PDZRN4: variants seen among roughly 807,000 people sequenced by gnomAD.
PDZRN4 encodes the protein PDZ domain-containing RING finger protein 4.
In PDZRN4, 70 loss-of-function variants were observed where a neutral mutation model predicts 99.0. The observed-to-expected ratio is 0.71, with a 90% CI of 0.58 to 0.86. The LOEUF (loss-of-function observed/expected upper bound fraction) is 0.86, where lower values mean the gene tolerates loss of function less well. Ranked by LOEUF, PDZRN4 falls within the 40% of genes least tolerant of loss-of-function variation. The pLI is 0.00. For synonymous variants in PDZRN4, 551 were observed against 501.6 expected, an observed-to-expected ratio of 1.10 and a Z score of -1.32; for missense variants, 1,474 against 1,331.2, an observed-to-expected ratio of 1.11 and a Z score of -1.67.
intron 3 of PDZRN4, among the ~76,000 whole-genome samples, chr12:41,251,894 C>T (rs369501134): frequency 6.6e-6 from 1 of 152,076 alleles, no homozygotes; most frequent in African/African-American, 2.4e-5. Context: ...CGCAGGCAGA[C>T]AGCTAGAGCC....
intron 3 of PDZRN4, among the ~76,000 whole-genome samples, chr12:41,394,088 A>G (rs913305729): frequency 1.3e-5 from 2 of 152,176 alleles, no homozygotes; most frequent in African/African-American, 4.8e-5. Context: ...ACATGATCAG[A>G]TTAAGTGAGG....
At chr12:41,533,838 A>T (rs1938705052) in intron 5 of PDZRN4, among the ~76,000 whole-genome samples, 1 of 152,162 alleles carries the variant, frequency 6.6e-6, no homozygotes, top group Middle Eastern at 3.2e-3. Flanking sequence ...ATTACATTAC[A>T]TCATACTATG....
chr12:41,567,241 A>G (rs1295863644), intron 8 of PDZRN4, among the ~76,000 whole-genome samples: 2 of 152,198 alleles, frequency 1.3e-5, no homozygotes, highest in African/African-American at 2.4e-5. Context: ...CTTTCTTCAC[A>G]GACAAAATAA....
intron 3 of PDZRN4, among the ~76,000 whole-genome samples, chr12:41,277,211 C>T (rs1951354787): frequency 2.0e-5 from 3 of 152,150 alleles, no homozygotes; most frequent in Non-Finnish European, 2.9e-5. Context: ...ACATTCCATA[C>T]ATGAACCAGC....
intron 3 of PDZRN4, among the ~76,000 whole-genome samples, chr12:41,315,957 G>C (rs1951635635): frequency 6.6e-6 from 1 of 152,068 alleles, no homozygotes; most frequent in African/African-American, 2.4e-5. Context: ...AATCTTTTTA[G>C]AGTGAACCTT....
At chr12:41,416,026 C>T (rs1334512988) in intron 3 of PDZRN4, among the ~76,000 whole-genome samples, 4 of 152,172 alleles carry the variant, frequency 2.6e-5, no homozygotes, top group Admixed American at 6.5e-5. Context: ...TCTTCCATGA[C>T]TTTACAACTG....
Position 41,465,808 on chromosome 12 carries a change from T to C in PDZRN4, c.844-40648T>C, listed in dbSNP as rs1200329659. Among the ~76,000 whole-genome samples, 6 of 152,312 alleles carry C rather than the reference T, an allele frequency of 3.9e-5. No individual in the cohort carries two copies. The South Asian group carries it at 1.0e-3, about 26-fold the overall frequency. On this transcript the variant is annotated intron_variant, in intron 3 of 9. Coordinates refer to ENST00000402685, the MANE Select transcript of PDZRN4 (RefSeq NM_001164595.2). ...TAGTTTCCTGCCAACTGTTTATTTA[T>C]AGAGTTTCACCCAGTGATACTTATA...
intron 3 of PDZRN4, among the ~76,000 whole-genome samples, chr12:41,489,567 A>G (rs891640174): frequency 2.6e-5 from 4 of 152,162 alleles, no homozygotes; most frequent in Non-Finnish European, 2.9e-5. Flanking sequence ...AGTGTTTAGT[A>G]TAAGCAATGA....
chr12:41,344,420 T>C (rs1383375015), intron 3 of PDZRN4, among the ~76,000 whole-genome samples: 2 of 152,096 alleles, frequency 1.3e-5, no homozygotes, highest in Non-Finnish European at 2.9e-5. Context: ...TCAGGTAGAT[T>C]TCCTAGTTGC....
chr12:41,572,024 G>A (rs1939490618), intron 9 of PDZRN4, among the ~76,000 whole-genome samples: 2 of 152,142 alleles, frequency 1.3e-5, no homozygotes, highest in Admixed American at 6.6e-5. Context: ...TATCACCTCA[G>A]AAATTCATAC....
intron 5 of PDZRN4, among the ~76,000 whole-genome samples, chr12:41,551,174 T>C (rs1939046992): frequency 6.6e-6 from 1 of 152,082 alleles, no homozygotes; most frequent in South Asian, 2.1e-4. Context: ...TGAGGGCCTG[T>C]TCCTCATAGA....
intron 3 of PDZRN4, among the ~76,000 whole-genome samples, chr12:41,427,464 C>T (rs1952546825): frequency 6.6e-6 from 1 of 152,062 alleles, no homozygotes; most frequent in Non-Finnish European, 1.5e-5. Flanking sequence ...TTCAGCACAC[C>T]TCAATGTGTA....
At chr12:41,500,992 T>C (rs1330781331) in intron 3 of PDZRN4, among the ~76,000 whole-genome samples, 2 of 152,146 alleles carry the variant, frequency 1.3e-5, no homozygotes, top group Non-Finnish European at 2.9e-5. Flanking sequence ...ATTCCACAGT[T>C]ACTAGTGAGG....
At chr12:41,262,985 A>G (rs1057249265) in intron 3 of PDZRN4, among the ~76,000 whole-genome samples, 3 of 145,202 alleles carry the variant, frequency 2.1e-5, no homozygotes, top group Non-Finnish European at 3.0e-5. Flanking sequence ...AATATATCTC[A>G]CTAACTAAAC....
chr12:41,385,202 G>C (rs1952160253), intron 3 of PDZRN4, among the ~76,000 whole-genome samples: 1 of 152,206 alleles, frequency 6.6e-6, no homozygotes, highest in South Asian at 2.1e-4. Flanking sequence ...AGCTTCAGGT[G>C]ATAGGAAATT....
chr12:41,273,252 G>T (rs1951327375), intron 3 of PDZRN4, among the ~76,000 whole-genome samples: 3 of 152,014 alleles, frequency 2.0e-5, no homozygotes, highest in Admixed American at 2.0e-4. Flanking sequence ...GAAGGAAATA[G>T]ACATAGAAGG....
intron 3 of PDZRN4, among the ~76,000 whole-genome samples, chr12:41,467,858 G>T (rs1394473661): frequency 1.3e-5 from 2 of 152,120 alleles, no homozygotes; most frequent in Non-Finnish European, 2.9e-5. Flanking sequence ...ATAATTCATG[G>T]TGTATTCCCC....
At chr12:41,571,342 T>C (rs1387288967) in intron 9 of PDZRN4, among the ~76,000 whole-genome samples, 1 of 89,868 alleles carries the variant, frequency 1.1e-5, no homozygotes, top group Non-Finnish European at 2.2e-5. Context: ...AGAGTCTCTC[T>C]CTCTCTCTCT....
At chr12:41,497,784 G>C (rs536100278) in intron 3 of PDZRN4, among the ~76,000 whole-genome samples, 26 of 152,154 alleles carry the variant, frequency 1.7e-4, no homozygotes, top group African/African-American at 6.3e-4. Flanking sequence ...ATATGTGTGT[G>C]TATGTGTGCA....
Sources: allele counts gnomAD v4.1 joint callset (sites outside exome capture counted in the v4.1 genomes callset), GRCh38; gene constraint gnomAD v4.1.1; transcripts MANE v1.5; gene names NCBI Gene and HGNC (gene_info 2026-07-23, HGNC 2026-07-21).